Variants in ANKS1B observed in about 807,000 individuals in gnomAD.
ANKS1B encodes ankyrin repeat and sterile alpha motif domain containing 1B, also known as ankyrin repeat and sterile alpha motif domain-containing protein 1B.
In ANKS1B, 36 loss-of-function variants were observed where a neutral mutation model predicts 148.3. The ratio of observed to expected loss-of-function variants is 0.24; its 90% CI spans 0.19 to 0.32. ANKS1B has a LOEUF of 0.32. Among genes scored for constraint, ANKS1B ranks in the 10% least tolerant of loss-of-function variants. ANKS1B has a pLI of 1.00. For synonymous variants in ANKS1B, 542 were observed against 560.8 expected (o/e 0.97, Z 0.47); for missense variants, 1,157 against 1,542.6 (o/e 0.75, Z 4.19).
intron 24 of ANKS1B, among the ~76,000 whole-genome samples, chr12:98,778,062 G>C (rs922980439): frequency 2.6e-5 from 4 of 152,248 alleles, no homozygotes; most frequent in Admixed American, 2.6e-4. Flanking sequence ...AAGGGACTGA[G>C]GCCTTCAGGT....
In ANKS1B at chr12:99,271,548, ATTAG is replaced by A. The variant is rs1256900421; in HGVS notation, c.1757-24688_1757-24685del. 5.3e-5 allele frequency among the ~76,000 whole-genome samples: 8 copies of A among 151,464 alleles called. No homozygotes were observed. The East Asian group carries it at 1.5e-3, about 29-fold the overall frequency. On this transcript the variant is annotated intron_variant, in intron 12 of 26. Coordinates refer to ENST00000683438, the MANE Select transcript of ANKS1B (RefSeq NM_001352186.2). ...TCTGAATAGGTGCTCAGTTAAAATAATTAGTTAAGAGAAGGGGCCATAACATCAA... is the reference window on the plus strand; with the variant it reads ...TCTGAATAGGTGCTCAGTTAAAATAATTAAGAGAAGGGGCCATAACATCAA...
intron 15 of ANKS1B, among the ~76,000 whole-genome samples, chr12:99,144,566 A>G (rs530976780): frequency 6.6e-6 from 1 of 152,184 alleles, no homozygotes; most frequent in Non-Finnish European, 1.5e-5. Flanking sequence ...AAGGCTACAC[A>G]TATACACACA....
chr12:98,908,535 T>C (rs1406326354), intron 17 of ANKS1B, among the ~76,000 whole-genome samples: 1 of 152,206 alleles, frequency 6.6e-6, no homozygotes, highest in Non-Finnish European at 1.5e-5. Flanking sequence ...GCCTACTTGG[T>C]AAGGATATTG....
At chr12:99,223,158 A>G (rs1165520515) in intron 14 of ANKS1B, among the ~76,000 whole-genome samples, 2 of 152,192 alleles carry the variant, frequency 1.3e-5, no homozygotes, top group Non-Finnish European at 2.9e-5. Flanking sequence ...TGGACATTAC[A>G]ATTCCTAGTT....
chr12:99,322,874 T>C (rs1448598395), intron 12 of ANKS1B, among the ~76,000 whole-genome samples: 1 of 152,158 alleles, frequency 6.6e-6, no homozygotes. Flanking sequence ...TCACAAGATA[T>C]GATGGTTTTA....
chr12:99,086,742 G>A (rs2051972565), intron 15 of ANKS1B, among the ~76,000 whole-genome samples: 1 of 152,142 alleles, frequency 6.6e-6, no homozygotes, highest in Non-Finnish European at 1.5e-5. Context: ...GTAAGACAGA[G>A]TTTCTCTTTA....
chr12:98,905,538 G>T (rs150923642), intron 17 of ANKS1B, among the ~76,000 whole-genome samples: 2,454 of 152,178 alleles, frequency 0.016, 43 homozygotes, highest in South Asian at 0.084. Context: ...GCGGGGCCGA[G>T]GTGGGAGGAC....
intron 1 of ANKS1B, among the ~76,000 whole-genome samples, chr12:99,876,093 G>C (rs1353023614): frequency 6.6e-6 from 1 of 152,160 alleles, no homozygotes; most frequent in East Asian, 1.9e-4. Flanking sequence ...GAAAAGCAAA[G>C]CCAGACCTGG....
intron 14 of ANKS1B, among the ~76,000 whole-genome samples, chr12:99,178,044 G>A (rs574577076): frequency 6.6e-6 from 1 of 152,180 alleles, no homozygotes; most frequent in African/African-American, 2.4e-5. Context: ...TTTATGCAGT[G>A]TTTTTCTATT....
chr12:99,962,409 T>C (rs1168637653), intron 1 of ANKS1B, among the ~76,000 whole-genome samples: 2 of 152,202 alleles, frequency 1.3e-5, no homozygotes, highest in Non-Finnish European at 2.9e-5. Context: ...TGTATAGTAT[T>C]CCATGGTGCA....
chr12:99,370,233 A>G (rs2093051437), intron 12 of ANKS1B, among the ~76,000 whole-genome samples: 1 of 152,130 alleles, frequency 6.6e-6, no homozygotes, highest in African/African-American at 2.4e-5. Context: ...TGCTAACAAC[A>G]AAGTTGATTA....
intron 1 of ANKS1B, among the ~76,000 whole-genome samples, chr12:99,851,541 A>G (rs1184130418): frequency 6.6e-6 from 1 of 152,208 alleles, no homozygotes; most frequent in East Asian, 1.9e-4. Context: ...TTGAAAATTT[A>G]GAACATTACA....
chr12:99,270,913 G>A (rs1162309739), intron 12 of ANKS1B, among the ~76,000 whole-genome samples: 2 of 151,962 alleles, frequency 1.3e-5, no homozygotes, highest in East Asian at 1.9e-4. Flanking sequence ...GCACATTAAC[G>A]ATTTCACAGA....
chr12:98,749,580 A>T (rs1360625137), intron 26 of ANKS1B, among the ~76,000 whole-genome samples: 1 of 152,186 alleles, frequency 6.6e-6, no homozygotes, highest in Non-Finnish European at 1.5e-5. Flanking sequence ...GACCTGAATG[A>T]CAAGATGAAG....
At chr12:99,074,527 A>G (rs2047235691) in intron 16 of ANKS1B, among the ~76,000 whole-genome samples, 1 of 152,150 alleles carries the variant, frequency 6.6e-6, no homozygotes, top group African/African-American at 2.4e-5. Flanking sequence ...TTTTGTACAT[A>G]TGGGGCTTTG....
At chr12:99,834,103 C>A (rs1021396903) in intron 1 of ANKS1B, among the ~76,000 whole-genome samples, 2 of 151,990 alleles carry the variant, frequency 1.3e-5, no homozygotes, top group African/African-American at 4.8e-5. Flanking sequence ...AAAAAAGAAA[C>A]CTTGATTTCT....
chr12:99,465,012 G>C (rs2096072040), intron 10 of ANKS1B, among the ~76,000 whole-genome samples: 1 of 152,178 alleles, frequency 6.6e-6, no homozygotes, highest in South Asian at 2.1e-4. Flanking sequence ...AAGTTGAAAT[G>C]AAGGAAAAAG....
intron 9 of ANKS1B, among the ~76,000 whole-genome samples, chr12:99,505,870 C>G (rs10129019): frequency 0.21 from 32,201 of 151,914 alleles, 3,868 homozygotes; most frequent in African/African-American, 0.33. Context: ...TACACTTAAC[C>G]TACCAAACAG....
At chr12:99,214,722 T>C (rs979932813) in intron 14 of ANKS1B, among the ~76,000 whole-genome samples, 1 of 152,122 alleles carries the variant, frequency 6.6e-6, no homozygotes, top group African/African-American at 2.4e-5. Context: ...CACCTAAAAA[T>C]GTGGAAGACA....
Sources: allele counts gnomAD v4.1 joint callset (sites outside exome capture counted in the v4.1 genomes callset), GRCh38; gene constraint gnomAD v4.1.1; transcripts MANE v1.5; gene names NCBI Gene and HGNC (gene_info 2026-07-23, HGNC 2026-07-21).